LRP1B: variants seen among roughly 807,000 people sequenced by gnomAD.
LRP1B encodes LDL receptor related protein 1B, also known as low-density lipoprotein receptor-related protein 1B.
LRP1B carries 217 observed loss-of-function variants against 556.6 expected under a neutral mutation model. The observed-to-expected ratio is 0.39, with a 90% CI of 0.35 to 0.44. The LOEUF (loss-of-function observed/expected upper bound fraction) is 0.44, where lower values mean the gene tolerates loss of function less well. Ranked by LOEUF, LRP1B falls within the 20% of genes least tolerant of loss-of-function variation. The probability of loss-of-function intolerance (pLI) is 1.00; values close to 1 mark genes in which losing one functional copy is unlikely to be tolerated. For missense variants in LRP1B, 5,053 were observed against 5,620.8 expected (o/e 0.90, Z 3.23); for synonymous variants, 2,047 against 1,865.8 (o/e 1.10, Z -2.50).
chr2:141,530,353 C>T (rs1301104428), intron 2 of LRP1B, among the ~76,000 whole-genome samples: 1 of 152,052 alleles, frequency 6.6e-6, no homozygotes, highest in African/African-American at 2.4e-5. Flanking sequence ...GCATTTATTG[C>T]AGAGAGGTGA....
At chr2:140,297,755 C>G (rs2105000109) in intron 84 of LRP1B, 53 bp downstream of exon 84, 1 of 1,523,054 alleles carries the variant, frequency 6.6e-7, no homozygotes, top group Non-Finnish European at 8.9e-7. Flanking sequence ...TACAGGAAAT[C>G]AGAAGATTAA....
At chr2:140,729,398 C>G (rs1687699675) in intron 35 of LRP1B, among the ~76,000 whole-genome samples, 1 of 152,022 alleles carries the variant, frequency 6.6e-6, no homozygotes. Context: ...TAAGGGCTAG[C>G]CAAATTCACA....
intron 1 of LRP1B, among the ~76,000 whole-genome samples, chr2:141,890,359 G>GTATATATATATGTATTGTGTATATATA: frequency 1.8e-5 from 1 of 56,116 alleles, no homozygotes; most frequent in South Asian, 5.3e-4. Flanking sequence ...TATGTATTGT[G>GTATATATATATGTATTGTGTATATATA]CATATATATA....
chr2:141,548,678 C>A (rs987185453), intron 2 of LRP1B, among the ~76,000 whole-genome samples: 1 of 152,132 alleles, frequency 6.6e-6, no homozygotes, highest in African/African-American at 2.4e-5. Context: ...ATCCATATTA[C>A]TGTGCTGATT....
chr2:141,661,161 C>A (rs1362200600), intron 2 of LRP1B, among the ~76,000 whole-genome samples: 2 of 152,126 alleles, frequency 1.3e-5, no homozygotes, highest in African/African-American at 4.8e-5. Flanking sequence ...CCCACAAAAA[C>A]CCCATCCAAA....
intron 1 of LRP1B, among the ~76,000 whole-genome samples, chr2:141,858,171 G>T (rs1008331630): frequency 6.6e-6 from 1 of 152,040 alleles, no homozygotes; most frequent in Non-Finnish European, 1.5e-5. Flanking sequence ...GCCAAGTTTT[G>T]TGTGCTTGAA....
intron 67 of LRP1B, among the ~76,000 whole-genome samples, chr2:140,380,768 T>C (rs745961475): frequency 4.6e-5 from 7 of 152,204 alleles, no homozygotes; most frequent in Non-Finnish European, 7.3e-5. Flanking sequence ...TTGACACACT[T>C]TGCTATACAA....
At chr2:140,848,318 A>G (rs771314294) in intron 29 of LRP1B, among the ~76,000 whole-genome samples, 2 of 152,208 alleles carry the variant, frequency 1.3e-5, no homozygotes, top group Non-Finnish European at 2.9e-5. Flanking sequence ...AAATCTTTGC[A>G]TTTGCTTTTT....
chr2:141,324,090 T>A (rs1243996131), intron 3 of LRP1B, among the ~76,000 whole-genome samples: 1 of 119,000 alleles, frequency 8.4e-6, no homozygotes, highest in African/African-American at 3.3e-5. Flanking sequence ...CATATACATG[T>A]ACTCACATAC....
chr2:140,243,471 A>C (rs543895483), intron 87 of LRP1B, among the ~76,000 whole-genome samples: 2 of 151,296 alleles, frequency 1.3e-5, no homozygotes, highest in South Asian at 4.2e-4. Context: ...ATATTAGCAT[A>C]AGTTATATAA....
chr2:140,943,397 A>C (rs182459878), intron 20 of LRP1B, among the ~76,000 whole-genome samples: 394 of 152,186 alleles, frequency 2.6e-3, no homozygotes, highest in Middle Eastern at 6.8e-3. Flanking sequence ...TCTGTTACTC[A>C]ATTAAATGCA....
chr2:141,106,916 A>G (rs1407867395), intron 7 of LRP1B, among the ~76,000 whole-genome samples: 1 of 152,178 alleles, frequency 6.6e-6, no homozygotes, highest in Non-Finnish European at 1.5e-5. Flanking sequence ...ATTCCTAAAA[A>G]TAATTTTATC....
intron 27 of LRP1B, among the ~76,000 whole-genome samples, chr2:140,855,585 G>A (rs1309605797): frequency 6.6e-6 from 1 of 150,808 alleles, no homozygotes; most frequent in African/African-American, 2.4e-5. Flanking sequence ...AGAATCCTCA[G>A]CACTAGTCAG....
intron 66 of LRP1B, among the ~76,000 whole-genome samples, chr2:140,437,925 G>A (rs964558493): frequency 6.6e-6 from 1 of 152,000 alleles, no homozygotes; most frequent in Admixed American, 6.6e-5. Flanking sequence ...GAATATATTT[G>A]TTATATAACT....
At chr2:140,263,229 T>C (rs1682029459) in intron 86 of LRP1B, among the ~76,000 whole-genome samples, 1 of 152,060 alleles carries the variant, frequency 6.6e-6, no homozygotes, top group Non-Finnish European at 1.5e-5. Context: ...TGAAAATATG[T>C]TCTTAATAGA....
chr2:141,725,464 G>T (rs1430823804), intron 2 of LRP1B, among the ~76,000 whole-genome samples: 3 of 151,800 alleles, frequency 2.0e-5, no homozygotes. Flanking sequence ...TTGATCAAGA[G>T]AAAGTTTTCA....
chr2:141,031,920 C>T (rs1481902075), intron 11 of LRP1B, among the ~76,000 whole-genome samples: 1 of 150,720 alleles, frequency 6.6e-6, no homozygotes, highest in Non-Finnish European at 1.5e-5. Context: ...AAACTAGATG[C>T]ACCAAAAAAA....
At chr2:141,296,921 A>G (rs1405048271) in intron 3 of LRP1B, among the ~76,000 whole-genome samples, 2 of 152,060 alleles carry the variant, frequency 1.3e-5, no homozygotes, top group African/African-American at 4.8e-5. Context: ...ACTGTACCCA[A>G]TTGTTAGCTC....
At chr2:141,425,844 C>A (rs1295255117) in intron 3 of LRP1B, among the ~76,000 whole-genome samples, 3 of 151,370 alleles carry the variant, frequency 2.0e-5, no homozygotes, top group African/African-American at 7.3e-5. Flanking sequence ...GAGTAGGTTG[C>A]AAAATTTTTC....
Sources: allele counts gnomAD v4.1 joint callset (sites outside exome capture counted in the v4.1 genomes callset), GRCh38; gene constraint gnomAD v4.1.1; transcripts MANE v1.5; gene names NCBI Gene and HGNC (gene_info 2026-07-23, HGNC 2026-07-21).